The following ASB4 variants were observed in gnomAD, a reference collection of about 807,000 sequenced individuals.
The protein encoded by ASB4 is ankyrin repeat and SOCS box protein 4.
ASB4 carries 35 observed loss-of-function variants against 38.6 expected under a neutral mutation model. That is an observed-to-expected ratio of 0.91 (90% CI 0.69 to 1.20). The LOEUF is 1.20. Among genes scored for constraint, ASB4 ranks in the 50% most tolerant of loss-of-function variants. The pLI, the probability that ASB4 is intolerant of heterozygous loss-of-function variation, is 0.00. For missense variants in ASB4, 557 were observed against 527.2 expected (o/e 1.06, Z -0.55); for synonymous variants, 195 against 201.3 (o/e 0.97, Z 0.26).
At chr7:95,479,009 CA>C (rs967375756) in intron 1 of ASB4, among the ~76,000 whole-genome samples, 1 of 152,100 alleles carries the variant, frequency 6.6e-6, no homozygotes, top group African/African-American at 2.4e-5. Flanking sequence ...GGAAGACTTT[CA>C]AAAAATCTCA....
At chr7:95,540,439 C>T (rs1185794077), downstream of ASB4, among the ~76,000 whole-genome samples, 1 of 152,192 alleles carries the variant, frequency 6.6e-6, no homozygotes, top group Non-Finnish European at 1.5e-5. Context: ...AATGCAGCCT[C>T]TTGCTGTAAG....
chr7:95,537,826 C>G lies in ASB4; in HGVS notation c.*67C>G. The G allele has an allele frequency of 1.4e-6, 2 of 1,418,520 alleles. No individual in the cohort carries two copies. The highest frequency in any genetic ancestry group is 1.9e-6 in the Non-Finnish European group (2 of 1,033,018). The allele number at this position is 1,418,520 out of a possible 1,614,324, so 87.9% of individuals were successfully genotyped here. On this transcript the variant is annotated 3_prime_UTR_variant, in exon 5 of 5. Transcript: ENST00000325885. ...GACTTGCTGGGTAGACACAGTTTGCCTAAATAAAATGGTACTTGGGTTGAT... is the reference window on the plus strand; with the variant it reads ...GACTTGCTGGGTAGACACAGTTTGCGTAAATAAAATGGTACTTGGGTTGAT...
intron 1 of ASB4, among the ~76,000 whole-genome samples, chr7:95,478,865 A>T (rs990656438): frequency 3.3e-5 from 5 of 152,192 alleles, no homozygotes; most frequent in African/African-American, 1.2e-4. Context: ...CCAGTATGTA[A>T]TTACAATTGA....
At chr7:95,507,368 G>T (rs1261188180) in intron 2 of ASB4, among the ~76,000 whole-genome samples, 1 of 151,822 alleles carries the variant, frequency 6.6e-6, no homozygotes, top group African/African-American at 2.4e-5. Flanking sequence ...TATCTAGAAT[G>T]CTCTGCTCCT....
intron 3 of ASB4, among the ~76,000 whole-genome samples, chr7:95,530,921 A>G (rs1790811795): frequency 6.6e-6 from 1 of 152,188 alleles, no homozygotes. Context: ...GGTGAGAATC[A>G]TGGACTTTGG....
the ASB4 span, among the ~76,000 whole-genome samples, chr7:95,545,751 T>C: frequency 6.6e-6 from 1 of 152,166 alleles, no homozygotes; most frequent in Admixed American, 6.5e-5. Flanking sequence ...TAGCAATAGA[T>C]TGCAGGTGAG....
At chr7:95,526,871 T>C (rs908011654) in intron 2 of ASB4, among the ~76,000 whole-genome samples, 3 of 152,186 alleles carry the variant, frequency 2.0e-5, no homozygotes, top group African/African-American at 4.8e-5. Flanking sequence ...CTCATTAAAT[T>C]AGGCAGAGAA....
At chr7:95,494,747 A>G (rs1172207567) in intron 1 of ASB4, among the ~76,000 whole-genome samples, 2 of 152,166 alleles carry the variant, frequency 1.3e-5, no homozygotes, top group Non-Finnish European at 2.9e-5. Context: ...TAGCTTGTCA[A>G]ATGTGGCAAT....
Position 95,538,258 on chromosome 7 carries a change from A to G in ASB4, c.*499A>G, listed in dbSNP as rs1790923355. The stretch of plus-strand genomic sequence containing the variant: ...AAACTCCTACTCCCCAAACCAAGCT[A>G]CTCAAGTTTATTTCAGTGATGAAGG... On this transcript the variant is annotated 3_prime_UTR_variant, in exon 5 of 5. Transcript: ENST00000325885. 6.5e-6 allele frequency: 1 copy of G among 152,708 alleles called. No individual in the cohort carries two copies. The highest frequency in any genetic ancestry group is 1.5e-5 in the Non-Finnish European group (1 of 68,402). The allele number at this position is 152,708 out of a possible 1,614,324, so 9.5% of individuals were successfully genotyped here.
intron 2 of ASB4, among the ~76,000 whole-genome samples, chr7:95,515,337 CTTT>C (rs1562817413): frequency 9.0e-4 from 118 of 130,878 alleles, no homozygotes; most frequent in African/African-American, 3.2e-3. Context: ...TCCTTCCTTT[CTTT>C]CTTTCTTTCT....
chr7:95,514,140 A>T (rs1407932080), intron 2 of ASB4, among the ~76,000 whole-genome samples: 3 of 152,178 alleles, frequency 2.0e-5, no homozygotes. Flanking sequence ...TAATGTCTTC[A>T]TGACTCCAGT....
In ASB4 at chr7:95,528,373, T is replaced by C. The variant is rs146251713; in HGVS notation, c.978+70T>C. 1.7e-5 allele frequency: 28 copies of C among 1,603,076 alleles called. No individual in the cohort carries two copies. The African/African-American group carries it at 2.9e-4, about 17-fold the overall frequency. ...GGCAGCCTTGTCTGAAATCTCCAAG[T>C]AACTCAAGCTTGCTTGAGGCTTGAG... On this transcript the variant is annotated intron_variant, in intron 3 of 4. Coordinates refer to ENST00000325885, the MANE Select transcript of ASB4 (RefSeq NM_016116.3).
intron 2 of ASB4, among the ~76,000 whole-genome samples, chr7:95,508,200 A>G (rs1235425899): frequency 2.6e-5 from 4 of 152,176 alleles, no homozygotes; most frequent in Non-Finnish European, 5.9e-5. Flanking sequence ...AGTTTGGGAA[A>G]TGAGATCCAG....
chr7:95,506,140 C>A (rs1373413652), intron 2 of ASB4, among the ~76,000 whole-genome samples: 2 of 152,178 alleles, frequency 1.3e-5, no homozygotes, highest in Non-Finnish European at 2.9e-5. Context: ...CTCAAGTGAT[C>A]CTCCTGCCTA....
At chr7:95,509,549 A>G (rs1430610655) in intron 2 of ASB4, among the ~76,000 whole-genome samples, 1 of 152,246 alleles carries the variant, frequency 6.6e-6, no homozygotes, top group Admixed American at 6.5e-5. Context: ...TTTCAATTTC[A>G]TTCATTAAAC....
At chr7:95,491,932 T>C (rs1790176690) in intron 1 of ASB4, among the ~76,000 whole-genome samples, 1 of 152,156 alleles carries the variant, frequency 6.6e-6, no homozygotes, top group South Asian at 2.1e-4. Context: ...TATTCAAAAA[T>C]CCCTAGCCCC....
At chr7:95,533,766 C>A (rs1344590658) in intron 3 of ASB4, among the ~76,000 whole-genome samples, 1 of 152,164 alleles carries the variant, frequency 6.6e-6, no homozygotes, top group East Asian at 1.9e-4. Flanking sequence ...ATAGGACCAA[C>A]CTCATAGGAT....
Position 95,527,948 on chromosome 7 carries a change from T to C in ASB4, c.623T>C (p.Met208Thr). ...GAIVDSVNAH[M>T]ETPLAIAAYW... The stretch of plus-strand genomic sequence containing the variant: ...ATAGTGGACAGCGTGAATGCCCACA[T>C]GGAGACCCCCCTGGCCATCGCCGCC... Residue 208 changes from methionine (M) to threonine (T), a missense_variant, in exon 3 of 5, where the codon ATG becomes ACG. Coordinates refer to ENST00000325885, the MANE Select transcript of ASB4 (RefSeq NM_016116.3). The C allele has an allele frequency of 6.2e-7, 1 of 1,614,118 alleles. No homozygotes were observed.
At chr7:95,475,523 A>G (rs1039908462), upstream of ASB4, among the ~76,000 whole-genome samples, 3 of 151,970 alleles carry the variant, frequency 2.0e-5, no homozygotes, top group Non-Finnish European at 4.4e-5. Flanking sequence ...AGCTGGGACT[A>G]CAGGTGCGTG....
Sources: gnomAD v4.1 joint callset for allele counts (sites outside exome capture counted in the v4.1 genomes callset) on GRCh38, gnomAD v4.1.1 for gene constraint, MANE v1.5 for transcripts, NCBI Gene and HGNC (gene_info 2026-07-23, HGNC 2026-07-21) for gene names.